NRXN1: variants seen among roughly 807,000 people sequenced by gnomAD.
NRXN1 encodes the protein neurexin-1.
A neutral mutation model predicts 150.9 loss-of-function variants in NRXN1; 39 were observed. That is an observed-to-expected ratio of 0.26 (90% CI 0.20 to 0.34). The LOEUF (loss-of-function observed/expected upper bound fraction) is 0.34, where lower values mean the gene tolerates loss of function less well. Among genes scored for constraint, NRXN1 ranks in the 10% least tolerant of loss-of-function variants. NRXN1 has a pLI of 1.00. For missense variants in NRXN1, 1,815 were observed against 1,949.9 expected, an observed-to-expected ratio of 0.93 and a Z score of 1.30; for synonymous variants, 924 against 757.0, an observed-to-expected ratio of 1.22 and a Z score of -3.62.
At chr2:50,836,941 T>C (rs1672204954) in intron 5 of NRXN1, among the ~76,000 whole-genome samples, 1 of 151,186 alleles carries the variant, frequency 6.6e-6, no homozygotes, top group South Asian at 2.1e-4. Context: ...AAAACTGAAA[T>C]CAGTCACTTA....
chr2:50,114,845 G>A (rs143917923), intron 18 of NRXN1, among the ~76,000 whole-genome samples: 1 of 151,976 alleles, frequency 6.6e-6, no homozygotes, highest in African/African-American at 2.4e-5. Flanking sequence ...CACATTGGTT[G>A]CCAGGATCTA....
intron 3 of NRXN1, among the ~76,000 whole-genome samples, chr2:50,924,536 T>C (rs538083422): frequency 1.3e-5 from 2 of 151,630 alleles, no homozygotes; most frequent in South Asian, 2.1e-4. Flanking sequence ...AAGATACCTC[T>C]AAAAAATAAC....
chr2:50,010,940 C>A (rs1196641228), intron 21 of NRXN1, among the ~76,000 whole-genome samples: 1 of 152,124 alleles, frequency 6.6e-6, no homozygotes, highest in African/African-American at 2.4e-5. Flanking sequence ...TGCAAGGTAG[C>A]AAATCATTGA....
chr2:51,011,084 T>G (rs1667783726), intron 2 of NRXN1, among the ~76,000 whole-genome samples: 1 of 152,044 alleles, frequency 6.6e-6, no homozygotes, highest in Non-Finnish European at 1.5e-5. Flanking sequence ...TGATGGCGCT[T>G]TTTAATATTT....
At chr2:50,474,683 C>CAAAAAAAAAAA (rs754558377) in intron 15 of NRXN1, among the ~76,000 whole-genome samples, 20 of 54,980 alleles carry the variant, frequency 3.6e-4, no homozygotes, top group Admixed American at 8.5e-4. Context: ...ACAGAAATAG[C>CAAAAAAAAAAA]AAAAAAAAAA....
Position 50,141,992 on chromosome 2 carries a change from G to A in NRXN1, c.3547-50498C>T, listed in dbSNP as rs891607124. On this transcript the variant is annotated intron_variant, in intron 18 of 22. Coordinates refer to ENST00000401669, the MANE Select transcript of NRXN1 (RefSeq NM_001330078.2). ...AGGAAATCAGTTCAAAGGAATACCTGTCCCCCTATCACCATGTTTGTTGCA... is the reference window on the plus strand; with the variant it reads ...AGGAAATCAGTTCAAAGGAATACCTATCCCCCTATCACCATGTTTGTTGCA... 2.0e-5 allele frequency among the ~76,000 whole-genome samples: 3 copies of A among 152,038 alleles called. No homozygotes were observed. In the South Asian group the frequency reaches 6.2e-4, roughly 32 times the overall value.
rs868126977 is a variant in NRXN1, at chr2:49,921,265, T to C, written c.*679A>G. The C allele has an allele frequency of 1.9e-4, 29 of 152,796 alleles. No individual in the cohort carries two copies. The highest frequency in any genetic ancestry group is 7.0e-4 in the African/African-American group (29 of 41,592). The allele number at this position is 152,796 out of a possible 1,614,324, so 9.5% of individuals were successfully genotyped here. The stretch of plus-strand genomic sequence containing the variant: ...TGATTGCATCTATGCCCTCTTGTTT[T>C]TGTTTTGAAATTTTGTGTGAAAACG... On this transcript the variant is annotated 3_prime_UTR_variant, in exon 23 of 23. Transcript: ENST00000401669.
chr2:50,091,195 C>G (rs1315776015), intron 19 of NRXN1, 128 bp downstream of exon 19: 1 of 1,081,636 alleles, frequency 9.2e-7, no homozygotes, highest in African/African-American at 1.5e-5. Flanking sequence ...TCACATGACT[C>G]TAAAGTCCAA....
chr2:50,937,002 A>C (rs1688654008), intron 2 of NRXN1, among the ~76,000 whole-genome samples: 1 of 152,170 alleles, frequency 6.6e-6, no homozygotes, highest in African/African-American at 2.4e-5. Context: ...TGGAGAGAGC[A>C]AGGTGCCTCT....
chr2:50,822,917 C>G (rs1425710220), intron 5 of NRXN1, among the ~76,000 whole-genome samples: 1 of 152,154 alleles, frequency 6.6e-6, no homozygotes, highest in Non-Finnish European at 1.5e-5. Flanking sequence ...ATGAATTAAT[C>G]TGATTGAATC....
intron 12 of NRXN1, among the ~76,000 whole-genome samples, chr2:50,527,671 A>C (rs2092992444): frequency 6.6e-6 from 1 of 152,146 alleles, no homozygotes; most frequent in South Asian, 2.1e-4. Flanking sequence ...TCGCAAGTTT[A>C]AGACCTCTAT....
At chr2:50,494,399 C>T (rs1047190956) in intron 15 of NRXN1, among the ~76,000 whole-genome samples, 3 of 152,142 alleles carry the variant, frequency 2.0e-5, no homozygotes, top group African/African-American at 7.2e-5. Flanking sequence ...TGACAATTAC[C>T]ACCTGAGCCC....
At chr2:50,450,577 T>C (rs2086868760) in intron 17 of NRXN1, among the ~76,000 whole-genome samples, 1 of 152,180 alleles carries the variant, frequency 6.6e-6, no homozygotes, top group Non-Finnish European at 1.5e-5. Flanking sequence ...ACTGCTCAAT[T>C]AATAATAGTC....
intron 18 of NRXN1, among the ~76,000 whole-genome samples, chr2:50,145,871 C>T (rs2152765404): frequency 6.6e-6 from 1 of 151,612 alleles, no homozygotes; most frequent in East Asian, 1.9e-4. Flanking sequence ...TTTACTTCTT[C>T]ATAAGTTACC....
chr2:50,812,620 T>C (rs1196296324), intron 5 of NRXN1, among the ~76,000 whole-genome samples: 2 of 151,780 alleles, frequency 1.3e-5, no homozygotes, highest in Admixed American at 1.3e-4. Context: ...AAATAGATAT[T>C]GTATAGATCC....
intron 21 of NRXN1, among the ~76,000 whole-genome samples, chr2:50,040,016 A>T (rs1690680092): frequency 6.6e-6 from 1 of 152,152 alleles, no homozygotes; most frequent in African/African-American, 2.4e-5. Context: ...GTATTGGATA[A>T]TATTTACACA....
chr2:50,581,131 G>A (rs985079962), intron 8 of NRXN1, among the ~76,000 whole-genome samples: 1 of 152,074 alleles, frequency 6.6e-6, no homozygotes, highest in Non-Finnish European at 1.5e-5. Context: ...ATAAATTTAT[G>A]AATACACAGA....
chr2:50,012,933 T>C (rs996063612), intron 21 of NRXN1, among the ~76,000 whole-genome samples: 2 of 152,094 alleles, frequency 1.3e-5, no homozygotes, highest in African/African-American at 4.8e-5. Flanking sequence ...GCTGTGTCCT[T>C]CTTTGCTGTG....
intron 2 of NRXN1, among the ~76,000 whole-genome samples, chr2:50,995,213 G>A (rs191734697): frequency 1.2e-3 from 183 of 151,954 alleles, no homozygotes; most frequent in Non-Finnish European, 2.3e-3. Context: ...ATTAAGTTAC[G>A]CCTTATAGTT....
Sources: allele counts gnomAD v4.1 joint callset (sites outside exome capture counted in the v4.1 genomes callset), GRCh38; gene constraint gnomAD v4.1.1; transcripts MANE v1.5; gene names NCBI Gene and HGNC (gene_info 2026-07-23, HGNC 2026-07-21).